Variants in SOX6 observed in about 807,000 individuals in gnomAD.
SOX6 encodes the protein transcription factor SOX-6.
A neutral mutation model predicts 97.8 loss-of-function variants in SOX6; 11 were observed. The ratio of observed to expected loss-of-function variants is 0.11; its 90% CI spans 0.07 to 0.19. SOX6 has a LOEUF of 0.19. SOX6 is among the 10% of genes least tolerant of loss of function. SOX6 has a pLI of 1.00. For synonymous variants in SOX6, 360 were observed against 371.4 expected (o/e 0.97, Z 0.35); for missense variants, 810 against 1,039.5 (o/e 0.78, Z 3.04).
At chr11:16,114,940 C>A (rs1451127669) in intron 6 of SOX6, among the ~76,000 whole-genome samples, 2 of 152,170 alleles carry the variant, frequency 1.3e-5, no homozygotes, top group Non-Finnish European at 2.9e-5. Context: ...AACTTTCCAT[C>A]TTCATGAGAT....
At chr11:15,975,602 A>C (rs929636179) in intron 15 of SOX6, among the ~76,000 whole-genome samples, 2 of 152,202 alleles carry the variant, frequency 1.3e-5, no homozygotes, top group Non-Finnish European at 2.9e-5. Flanking sequence ...TGTGCTGGGA[A>C]CTATATTTAG....
chr11:16,650,211 CAGT>C (rs1395550821), intron 3 of SOX6, among the ~76,000 whole-genome samples: 1 of 152,158 alleles, frequency 6.6e-6, no homozygotes, highest in Non-Finnish European at 1.5e-5. Flanking sequence ...CCACTGACAG[CAGT>C]AGACCGGTCA....
At chr11:16,035,747 G>A (rs1463815050) in intron 12 of SOX6, among the ~76,000 whole-genome samples, 1 of 152,186 alleles carries the variant, frequency 6.6e-6, no homozygotes, top group Non-Finnish European at 1.5e-5. Flanking sequence ...ACTCTGATTA[G>A]TGAAGCTATC....
chr11:16,098,957 G>A (rs1161703713), intron 7 of SOX6, among the ~76,000 whole-genome samples: 1 of 151,734 alleles, frequency 6.6e-6, no homozygotes, highest in Admixed American at 6.6e-5. Flanking sequence ...CTACTCAGCT[G>A]GCCCAATGTA....
In SOX6 at chr11:16,579,618, C is replaced by T. The variant is rs1040746344; in HGVS notation, n.609+32463G>A. Reference sequence around the variant, plus strand: ...ATATAATGTCTGTGAAAATCATCTACGTTATTACAAATATCAGGTTTTTAT... The same window carrying T: ...ATATAATGTCTGTGAAAATCATCTATGTTATTACAAATATCAGGTTTTTAT... On this transcript the variant is annotated intron_variant and non_coding_transcript_variant, in intron 4 of 5. Transcript: ENST00000524520. 4.3e-4 allele frequency among the ~76,000 whole-genome samples: 66 copies of T among 152,164 alleles called. 1 individual carries two copies. The highest frequency in any genetic ancestry group is 1.6e-3 in the African/African-American group (65 of 41,534).
chr11:16,646,826 C>T (rs1200286608), intron 3 of SOX6, among the ~76,000 whole-genome samples: 1 of 152,116 alleles, frequency 6.6e-6, no homozygotes, highest in Non-Finnish European at 1.5e-5. Context: ...TTGCAATTGC[C>T]AATCATGCTG....
At chr11:16,640,165 T>A (rs1369206116) in intron 3 of SOX6, among the ~76,000 whole-genome samples, 2 of 152,168 alleles carry the variant, frequency 1.3e-5, no homozygotes, top group African/African-American at 2.4e-5. Context: ...CTATAGAGAT[T>A]ATCATGTGGT....
chr11:16,321,805 G>A (rs777079053), intron 2 of SOX6, among the ~76,000 whole-genome samples: 6 of 152,134 alleles, frequency 3.9e-5, no homozygotes, highest in African/African-American at 9.6e-5. Flanking sequence ...GGCTTAAGTC[G>A]CGTGTTATGT....
chr11:16,679,123 C>G (rs992826122), intron 3 of SOX6, among the ~76,000 whole-genome samples: 11 of 152,208 alleles, frequency 7.2e-5, no homozygotes, highest in Non-Finnish European at 7.4e-5. Context: ...CCCAGCGTGG[C>G]ATTCGAGCTC....
chr11:16,170,684 C>A (rs1348775090), intron 6 of SOX6, among the ~76,000 whole-genome samples: 1 of 152,008 alleles, frequency 6.6e-6, no homozygotes, highest in Non-Finnish European at 1.5e-5. Context: ...CACAGGGGCA[C>A]ATGTTCTGTC....
intron 1 of SOX6, among the ~76,000 whole-genome samples, chr11:16,424,280 T>C (rs1321837669): frequency 6.6e-6 from 1 of 152,186 alleles, no homozygotes; most frequent in East Asian, 1.9e-4. Flanking sequence ...TTTGTGCACA[T>C]AGGTTGTAAT....
At chr11:16,010,045 T>C (rs1469773431) in intron 13 of SOX6, among the ~76,000 whole-genome samples, 2 of 151,406 alleles carry the variant, frequency 1.3e-5, no homozygotes, top group Non-Finnish European at 2.9e-5. Context: ...TTACAATCTC[T>C]GCTATTTGTC....
chr11:16,707,588 T>C (rs544574490), intron 3 of SOX6, among the ~76,000 whole-genome samples: 2 of 152,316 alleles, frequency 1.3e-5, no homozygotes, highest in Admixed American at 6.5e-5. Context: ...CCTTTATTCA[T>C]GAGGCAACTG....
intron 7 of SOX6, among the ~76,000 whole-genome samples, chr11:16,102,223 C>T (rs1423326922): frequency 6.6e-6 from 1 of 151,810 alleles, no homozygotes; most frequent in Non-Finnish European, 1.5e-5. Context: ...AGTGGCTCTG[C>T]TATACACCAA....
chr11:16,142,454 T>G (rs554236189), intron 6 of SOX6, among the ~76,000 whole-genome samples: 1 of 152,178 alleles, frequency 6.6e-6, no homozygotes, highest in South Asian at 2.1e-4. Flanking sequence ...CCTCTCCTGC[T>G]CCAAAGGAAC....
chr11:16,701,729 G>A (rs1390564990), intron 3 of SOX6, among the ~76,000 whole-genome samples: 2 of 144,360 alleles, frequency 1.4e-5, no homozygotes, highest in African/African-American at 2.6e-5. Flanking sequence ...GGTGGCCGGC[G>A]CCTGTAGTCC....
rs549462524 is a variant in SOX6, at chr11:16,318,291, T to C, written c.445+155A>G. The C allele has an allele frequency of 5.5e-6, 4 of 728,130 alleles. No homozygotes were observed. In the African/African-American group the frequency reaches 7.1e-5, roughly 13 times the overall value. 45.1% of individuals were successfully genotyped at this position (728,130 alleles called of 1,614,324 possible). A position where few individuals can be genotyped will look rare whatever the true frequency, so the allele number is the denominator to read the frequency against. On this transcript the variant is annotated intron_variant, in intron 3 of 15. Coordinates refer to ENST00000683767, the MANE Select transcript of SOX6 (RefSeq NM_001367873.1). Reference sequence around the variant, plus strand: ...GTTTAACACTCCTAATGGATCAAAATCTGCCATCACCATAGTAACCTCTGA... The same window carrying C: ...GTTTAACACTCCTAATGGATCAAAACCTGCCATCACCATAGTAACCTCTGA...
chr11:16,065,989 G>GGA (rs1190515075), intron 9 of SOX6, among the ~76,000 whole-genome samples: 2 of 152,124 alleles, frequency 1.3e-5, no homozygotes, highest in African/African-American at 4.8e-5. Flanking sequence ...CCCAATAATG[G>GGA]GAGAAAATAT....
At chr11:16,286,610 G>C (rs985404769) in intron 3 of SOX6, among the ~76,000 whole-genome samples, 4 of 152,090 alleles carry the variant, frequency 2.6e-5, no homozygotes, top group African/African-American at 9.7e-5. Context: ...TTTATGTGTA[G>C]TGGTGTCTTA....
Sources: allele counts gnomAD v4.1 joint callset (sites outside exome capture counted in the v4.1 genomes callset), GRCh38; gene constraint gnomAD v4.1.1; transcripts MANE v1.5; gene names NCBI Gene and HGNC (gene_info 2026-07-23, HGNC 2026-07-21).